The following NSUN6 variants were observed in gnomAD, a reference collection of about 807,000 sequenced individuals.
NSUN6 encodes tRNA (cytosine(72)-C(5))-methyltransferase NSUN6.
A neutral mutation model predicts 58.0 loss-of-function variants in NSUN6; 64 were observed. The ratio of observed to expected loss-of-function variants is 1.10; its 90% confidence interval spans 0.90 to 1.36. NSUN6 has a LOEUF of 1.36. Among genes scored for constraint, NSUN6 ranks in the 40% most tolerant of loss-of-function variants. The pLI is 0.00. For synonymous variants in NSUN6, 231 were observed against 193.9 expected, an observed-to-expected ratio of 1.19 and a Z score of -1.59; for missense variants, 701 against 550.1, an observed-to-expected ratio of 1.27 and a Z score of -2.74.
chr10:18,656,078 T>G (rs1323028935), upstream of NSUN6, among the ~76,000 whole-genome samples: 1 of 152,230 alleles, frequency 6.6e-6, no homozygotes, highest in Non-Finnish European at 1.5e-5. Context: ...GAGACGTGAG[T>G]TTCTTTTATA....
chr10:18,601,903 G>A (rs906531360), intron 6 of NSUN6, among the ~76,000 whole-genome samples: 5 of 151,296 alleles, frequency 3.3e-5, no homozygotes, highest in African/African-American at 1.2e-4. Context: ...CAACCCGGAG[G>A]CAGAGATTGC....
chr10:18,658,725 C>G, upstream of NSUN6: 4 of 872,532 alleles, frequency 4.6e-6, no homozygotes, highest in Non-Finnish European at 5.5e-6. Context: ...CGACAGGGGC[C>G]GGGCGCGGTG....
At chr10:18,622,495 C>T (rs1415084028) in intron 3 of NSUN6, among the ~76,000 whole-genome samples, 1 of 152,162 alleles carries the variant, frequency 6.6e-6, no homozygotes, top group East Asian at 1.9e-4. Context: ...GGGCAGATTA[C>T]CTGAGGTCAG....
chr10:18,598,826 C>A (rs903238708), intron 6 of NSUN6, among the ~76,000 whole-genome samples: 3 of 152,114 alleles, frequency 2.0e-5, no homozygotes, highest in African/African-American at 7.2e-5. Context: ...CACTAATACA[C>A]GTTTAAAGCG....
chr10:18,569,871 T>A (rs2056234066), intron 8 of NSUN6, among the ~76,000 whole-genome samples: 1 of 150,916 alleles, frequency 6.6e-6, no homozygotes. Flanking sequence ...TTCCATTCCA[T>A]TCTCCATTCC....
At chr10:18,560,098 G>C (rs1287894129) in intron 8 of NSUN6, among the ~76,000 whole-genome samples, 1 of 148,764 alleles carries the variant, frequency 6.7e-6, no homozygotes, top group Non-Finnish European at 1.5e-5. Context: ...ATGGAATGGA[G>C]AAAGGAAGGG....
intron 8 of NSUN6, among the ~76,000 whole-genome samples, chr10:18,558,832 G>C (rs1167346287): frequency 6.6e-6 from 1 of 150,422 alleles, no homozygotes; most frequent in African/African-American, 2.5e-5. Context: ...AATGAAAAAT[G>C]GAAAAGAATG....
chr10:18,638,762 G>C (rs1317957843), intron 3 of NSUN6, among the ~76,000 whole-genome samples: 1 of 151,974 alleles, frequency 6.6e-6, no homozygotes, highest in Non-Finnish European at 1.5e-5. Flanking sequence ...AAGTAACGCA[G>C]TACATAAAAG....
chr10:18,626,904 G>C (rs1162526917), intron 3 of NSUN6, among the ~76,000 whole-genome samples: 1 of 152,206 alleles, frequency 6.6e-6, no homozygotes, highest in Admixed American at 6.5e-5. Flanking sequence ...TAATGTTCTG[G>C]CCTGCTTGAA....
chr10:18,624,882 T>A (rs1590110862), intron 3 of NSUN6, among the ~76,000 whole-genome samples: 1 of 152,136 alleles, frequency 6.6e-6, no homozygotes, highest in Non-Finnish European at 1.5e-5. Flanking sequence ...ATTCCTAAAC[T>A]CTGTACAAGC....
intron 3 of NSUN6, among the ~76,000 whole-genome samples, chr10:18,632,839 T>A (rs1401497747): frequency 6.6e-6 from 1 of 152,206 alleles, no homozygotes; most frequent in Admixed American, 6.5e-5. Flanking sequence ...ATTGTGGAAG[T>A]CAGTGCAGTG....
intron 2 of NSUN6, among the ~76,000 whole-genome samples, chr10:18,646,243 A>G (rs1244171932): frequency 6.6e-6 from 1 of 152,226 alleles, no homozygotes; most frequent in Non-Finnish European, 1.5e-5. Flanking sequence ...GATATTGGGG[A>G]GAAAACACTT....
chr10:18,642,907 CTG>C (rs1208838861), intron 2 of NSUN6, among the ~76,000 whole-genome samples: 3 of 152,086 alleles, frequency 2.0e-5, no homozygotes, highest in African/African-American at 7.2e-5. Flanking sequence ...ATGTTAAAGA[CTG>C]AGATTACTAT....
chr10:18,557,339 A>G (rs2055107146), intron 8 of NSUN6, among the ~76,000 whole-genome samples: 1 of 151,484 alleles, frequency 6.6e-6, no homozygotes, highest in African/African-American at 2.4e-5. Context: ...AGTGGTGAAC[A>G]GAATGGAATG....
chr10:18,614,286 T>A (rs2058334396), intron 5 of NSUN6, among the ~76,000 whole-genome samples, 174 bp downstream of exon 5: 1 of 152,030 alleles, frequency 6.6e-6, no homozygotes, highest in Non-Finnish European at 1.5e-5. Context: ...TTTGATCAGT[T>A]ACCCTTTTTG....
At chr10:18,634,980 T>C (rs1345390944) in intron 3 of NSUN6, among the ~76,000 whole-genome samples, 1 of 152,192 alleles carries the variant, frequency 6.6e-6, no homozygotes, top group Non-Finnish European at 1.5e-5. Flanking sequence ...AAACCTTCCC[T>C]AATGATAAAT....
At chr10:18,597,878 A>G (rs1478037603) in intron 6 of NSUN6, among the ~76,000 whole-genome samples, 3 of 152,254 alleles carry the variant, frequency 2.0e-5, no homozygotes, top group African/African-American at 7.2e-5. Context: ...AGTGGTGAGA[A>G]AGCAGTTTCA....
At chr10:18,631,985 C>T (rs1395303991) in intron 3 of NSUN6, among the ~76,000 whole-genome samples, 1 of 152,062 alleles carries the variant, frequency 6.6e-6, no homozygotes, top group African/African-American at 2.4e-5. Context: ...GGAGGCATCA[C>T]ACTACCTGAC....
intron 5 of NSUN6, among the ~76,000 whole-genome samples, chr10:18,610,142 A>G (rs1373379444): frequency 6.6e-6 from 1 of 152,146 alleles, no homozygotes; most frequent in Non-Finnish European, 1.5e-5. Context: ...CAACATGGAG[A>G]AACCCTGTCT....
Sources: allele counts gnomAD v4.1 joint callset (sites outside exome capture counted in the v4.1 genomes callset), GRCh38; gene constraint gnomAD v4.1.1; transcripts MANE v1.5; gene names NCBI Gene and HGNC (gene_info 2026-07-23, HGNC 2026-07-21).